Variants in TLR8 observed in about 807,000 individuals in gnomAD.
The protein encoded by TLR8 is toll like receptor 8, also known as toll-like receptor 8.
TLR8 carries 5 observed loss-of-function variants against 18.5 expected under a neutral mutation model. The ratio of observed to expected loss-of-function variants is 0.27; its 90% CI spans 0.14 to 0.57. The LOEUF (loss-of-function observed/expected upper bound fraction) is 0.57. Among genes scored for constraint, TLR8 ranks in the 20% least tolerant of loss-of-function variants. The probability of loss-of-function intolerance (pLI) is 0.92; values close to 1 mark genes in which losing one functional copy is unlikely to be tolerated. For missense variants in TLR8, 543 were observed against 769.8 expected, an observed-to-expected ratio of 0.71 and a Z score of 3.49; for synonymous variants, 299 against 300.1, an observed-to-expected ratio of 1.00 and a Z score of 0.04.
Position 12,921,030 on chromosome X carries a change from G to C in TLR8, c.1990G>C (p.Ala664Pro). 4 of 1,210,726 alleles carry C rather than the reference G, an allele frequency of 3.3e-6. No homozygotes were observed. The highest frequency in any genetic ancestry group is 4.5e-6 in the Non-Finnish European group (4 of 894,588). ...IPNEAFLNLPASLTELHINDN... is the reference protein window; with the variant it reads ...IPNEAFLNLPPSLTELHINDN... Reference sequence around the variant, plus strand: ...AAATGAAGCATTCCTTAATTTGCCAGCGAGTCTCACTGAACTACATATAAA... The same window carrying C: ...AAATGAAGCATTCCTTAATTTGCCACCGAGTCTCACTGAACTACATATAAA... The change falls in exon 2 of 2, where the codon GCG (alanine) becomes CCG (proline). Residue 664 changes from alanine to proline, a missense_variant. Ala to Pro is a conservative substitution (Grantham distance 27, BLOSUM62 -1). Around this residue, in one of 4 missense-constraint regions of TLR8, gnomAD observed 227 missense variants for 312.9 expected, o/e 0.73. Coordinates refer to ENST00000218032, the MANE Select transcript of TLR8 (RefSeq NM_138636.5).
chrX:12,912,340 G>A (rs1202364219), intron 1 of TLR8, among the ~76,000 whole-genome samples: 1 of 112,845 alleles, frequency 8.9e-6, no homozygotes, highest in Non-Finnish European at 1.9e-5. Flanking sequence ...CAGAGGCATG[G>A]GTGTGGCTCA....
chrX:12,909,508 G>T (rs1274978764), intron 1 of TLR8, among the ~76,000 whole-genome samples: 38 of 111,523 alleles, frequency 3.4e-4, no homozygotes, highest in Admixed American at 3.2e-3. Flanking sequence ...CTGCTAGTTG[G>T]TGTGTATGTC....
At chrX:12,913,321 G>A (rs548348959) in intron 1 of TLR8, among the ~76,000 whole-genome samples, 5 of 111,407 alleles carry the variant, frequency 4.5e-5, no homozygotes, top group Middle Eastern at 4.6e-3. Context: ...ATAAGTCCCC[G>A]CCCAGGGACA....
At chrX:12,909,210 G>A (rs937032342) in intron 1 of TLR8, among the ~76,000 whole-genome samples, 1 of 112,032 alleles carries the variant, frequency 8.9e-6, no homozygotes, top group East Asian at 2.8e-4. Context: ...TCCAACCCTC[G>A]GCCTGCGGGC....
intron 1 of TLR8, chrX:12,910,412 C>T (rs1329079207): frequency 1.7e-6 from 2 of 1,167,600 alleles, no homozygotes; most frequent in South Asian, 1.9e-5. Flanking sequence ...TGCAAAATAG[C>T]TCCTGCAGCC....
rs2043095090 is a variant in TLR8 at position 12,921,492 on chromosome X, G to C, written c.2452G>C (p.Glu818Gln). ...AAGAGGGAAGAGTATTGTGAGTCTG[G>C]AGCTAACAACTTGTGTTTCAGATGT... ...DQRGKSIVSL[E>Q]LTTCVSDVTA... is the part of the protein sequence containing the mutation. Residue 818 changes from glutamate to glutamine, a missense_variant, in exon 2 of 2, where the codon GAG (glutamate) becomes CAG (glutamine). By Grantham distance (29) the Glu-to-Gln change is conservative. Transcript: ENST00000218032. 2 of 1,211,106 alleles carry C rather than the reference G, an allele frequency of 1.7e-6. No homozygotes were observed.
chrX:12,918,691 G>A (rs1449471605), intron 1 of TLR8, among the ~76,000 whole-genome samples: 4 of 110,154 alleles, frequency 3.6e-5, no homozygotes, highest in Non-Finnish European at 5.7e-5. Context: ...GCACCACTAC[G>A]CCCGGCTAAT....
chrX:12,911,039 C>G (rs1343185961), intron 1 of TLR8, among the ~76,000 whole-genome samples: 3 of 109,049 alleles, frequency 2.8e-5, no homozygotes, highest in Non-Finnish European at 5.7e-5. Flanking sequence ...AGTGAAAGAT[C>G]TGGACCACGA....
chrX:12,917,476 AT>A (rs774455202), intron 1 of TLR8, among the ~76,000 whole-genome samples: 1 of 112,481 alleles, frequency 8.9e-6, no homozygotes, highest in South Asian at 3.6e-4. Flanking sequence ...TTTTAGGAGA[AT>A]TTTTAAAAAG....
Position 12,919,294 on chromosome X carries a change from G to A in TLR8, c.254G>A (p.Gly85Glu). The change falls in exon 2 of 2, where the codon GGG (glycine) becomes GAG (glutamate). Residue 85 changes from glycine to glutamate, a missense_variant. By Grantham distance (98) the Gly-to-Glu change is moderately conservative. Coordinates refer to ENST00000218032, the MANE Select transcript of TLR8 (RefSeq NM_138636.5). ...CACATAACGAATGAATCATTTCAAGGGCTGCAAAATCTCACTAAAATAAAT... is the reference window on the plus strand; with the variant it reads ...CACATAACGAATGAATCATTTCAAGAGCTGCAAAATCTCACTAAAATAAAT... ...ITHITNESFQ[G>E]LQNLTKINLN... 1.7e-6 allele frequency: 2 copies of A among 1,211,527 alleles called. No individual in the cohort carries two copies. The highest frequency in any genetic ancestry group is 2.2e-6 in the Non-Finnish European group (2 of 895,484).
At chrX:12,911,648 T>C (rs2078755005) in intron 1 of TLR8, among the ~76,000 whole-genome samples, 1 of 112,208 alleles carries the variant, frequency 8.9e-6, no homozygotes, top group Non-Finnish European at 1.9e-5. Flanking sequence ...ACCTAAAAAC[T>C]CCCCTTTTTT....
In TLR8 at chrX:12,921,032, G is replaced by A; in HGVS notation, c.1992G>A (p.Ala664=). ...IPNEAFLNLP[A]SLTELHINDN... ...ATGAAGCATTCCTTAATTTGCCAGCGAGTCTCACTGAACTACATATAAATG... is the reference window on the plus strand; with the variant it reads ...ATGAAGCATTCCTTAATTTGCCAGCAAGTCTCACTGAACTACATATAAATG... The change falls in exon 2 of 2, where the codon GCG becomes GCA. Residue 664 remains alanine (A), a synonymous_variant. Transcript: ENST00000218032. The A allele has an allele frequency of 5.0e-6, 6 of 1,210,408 alleles. No homozygotes were observed. The highest frequency in any genetic ancestry group is 3.0e-5 in the East Asian group (1 of 33,843).
chrX:12,910,001 C>T (rs1211557414), intron 1 of TLR8, among the ~76,000 whole-genome samples: 3 of 112,100 alleles, frequency 2.7e-5, no homozygotes, highest in African/African-American at 9.7e-5. Context: ...TTAATGTGGT[C>T]ATGTTTTCTT....
chrX:12,913,513 T>C (rs896023796), intron 1 of TLR8, among the ~76,000 whole-genome samples: 1 of 112,982 alleles, frequency 8.9e-6, no homozygotes, highest in Non-Finnish European at 1.9e-5. Flanking sequence ...AATGAATGAA[T>C]ATAGCATTGC....
chrX:12,910,481 C>T (rs1363983129), intron 1 of TLR8: 8 of 1,146,231 alleles, frequency 7.0e-6, no homozygotes, highest in Non-Finnish European at 9.4e-6. Context: ...GCTTTACGCC[C>T]CTCCCAGACC....
In TLR8 at chrX:12,920,353, G is replaced by A. The variant is rs377754079; in HGVS notation, c.1313G>A (p.Arg438Gln). 17 of 1,209,377 alleles carry A rather than the reference G, an allele frequency of 1.4e-5. No homozygotes were observed. In the African/African-American group the frequency reaches 2.1e-4, roughly 15 times the overall value. ...NRISPLVKDT[R>Q]QSYANSSSFQ... Reference sequence around the variant, plus strand: ...ATATCACCGTTGGTAAAAGATACCCGGCAGAGTTATGCAAATAGTTCCTCT... The same window carrying A: ...ATATCACCGTTGGTAAAAGATACCCAGCAGAGTTATGCAAATAGTTCCTCT... The change falls in exon 2 of 2, where the codon CGG becomes CAG. Residue 438 changes from arginine (R) to glutamine (Q), a missense_variant. Coordinates refer to ENST00000218032, the MANE Select transcript of TLR8 (RefSeq NM_138636.5).
chrX:12,913,460 T>C (rs1409911609), intron 1 of TLR8, among the ~76,000 whole-genome samples: 1 of 112,914 alleles, frequency 8.9e-6, no homozygotes, highest in Non-Finnish European at 1.9e-5. Flanking sequence ...GCAACTCAAA[T>C]ACAGTTCCTG....
Position 12,919,472 on chromosome X carries a change from G to T in TLR8, c.432G>T (p.Leu144Phe), listed in dbSNP as rs1330009438. 8.3e-7 allele frequency: 1 copy of T among 1,208,509 alleles called. No individual in the cohort carries two copies. Among genetic ancestry groups the T allele is most frequent in the Non-Finnish European group, 1.1e-6 (1 of 894,248 alleles). Reference protein sequence around the residue: ...DNQLPQIPSGLPESLTELSLI... With the variant: ...DNQLPQIPSGFPESLTELSLI... ...AGTTACCCCAAATACCCTCTGGTTTGCCAGAGTCTTTGACAGAACTTAGTC... is the reference window on the plus strand; with the variant it reads ...AGTTACCCCAAATACCCTCTGGTTTTCCAGAGTCTTTGACAGAACTTAGTC... The change falls in exon 2 of 2, where the codon TTG becomes TTT. Residue 144 changes from leucine (L) to phenylalanine (F), a missense_variant. This residue lies in a region of TLR8 where 117 missense variants were observed against 111.0 expected (regional missense o/e 1.05). Transcript: ENST00000218032.
In TLR8 at chrX:12,920,357, G is replaced by C; in HGVS notation, c.1317G>C (p.Gln439His). The C allele has an allele frequency of 1.7e-6, 2 of 1,210,945 alleles. No homozygotes were observed. Among genetic ancestry groups the C allele is most frequent in the African/African-American group, 3.5e-5 (2 of 57,856 alleles). Reference protein sequence around the residue: ...RISPLVKDTRQSYANSSSFQR... With the variant: ...RISPLVKDTRHSYANSSSFQR... ...CACCGTTGGTAAAAGATACCCGGCA[G>C]AGTTATGCAAATAGTTCCTCTTTTC... Residue 439 changes from glutamine to histidine, a missense_variant, in exon 2 of 2, where the codon CAG (glutamine) becomes CAC (histidine). Coordinates refer to ENST00000218032, the MANE Select transcript of TLR8 (RefSeq NM_138636.5).
Sources: allele counts gnomAD v4.1 joint callset (sites outside exome capture counted in the v4.1 genomes callset), GRCh38; gene constraint gnomAD v4.1.1; regional missense constraint gnomAD v4.1.1; transcripts MANE v1.5; gene names NCBI Gene and HGNC (gene_info 2026-07-23, HGNC 2026-07-21).